The following STIM2 variants were observed in gnomAD, a reference collection of about 807,000 sequenced individuals.
STIM2 encodes the protein stromal interaction molecule 2.
A neutral mutation model predicts 85.8 loss-of-function variants in STIM2; 31 were observed. That is an observed-to-expected ratio of 0.36 (90% CI 0.27 to 0.49). The LOEUF is 0.49. Among genes scored for constraint, STIM2 ranks in the 20% least tolerant of loss-of-function variants. The pLI is 0.98. For missense variants in STIM2, 841 were observed against 927.6 expected (o/e 0.91, Z 1.21); for synonymous variants, 356 against 331.1 (o/e 1.08, Z -0.82).
chr4:26,876,598 T>G (rs891252044), intron 1 of STIM2, among the ~76,000 whole-genome samples: 3 of 152,212 alleles, frequency 2.0e-5, no homozygotes, highest in Admixed American at 2.0e-4. Flanking sequence ...TCTTAGAGGA[T>G]TTATTAAATT....
chr4:26,894,679 TACTC>T (rs1469318300), intron 1 of STIM2, among the ~76,000 whole-genome samples: 8 of 152,218 alleles, frequency 5.3e-5, no homozygotes, highest in South Asian at 4.1e-4. Flanking sequence ...GCTTTGACAA[TACTC>T]ACAGTGTTTT....
At chr4:27,018,657 A>G (rs1299698440) in intron 11 of STIM2, among the ~76,000 whole-genome samples, 4 of 152,350 alleles carry the variant, frequency 2.6e-5, no homozygotes, top group East Asian at 1.9e-4. Context: ...TTTGGGAGCC[A>G]TCTTAGAATT....
chr4:27,022,502 G>C lies in STIM2; in HGVS notation c.1764-17G>C. On this transcript the variant is annotated splice_polypyrimidine_tract_variant and intron_variant, in intron 11 of 11. Coordinates refer to ENST00000467087, the MANE Select transcript of STIM2 (RefSeq NM_020860.4). ...ATACTGATTTAAAATTTGTACCTTT[G>C]TTTGTGTTTCATTCAGGGAAGTGCC... The C allele has an allele frequency of 6.4e-7, 1 of 1,557,964 alleles. No individual in the cohort carries two copies. The highest frequency in any genetic ancestry group is 8.7e-7 in the Non-Finnish European group (1 of 1,146,224).
At chr4:26,922,761 A>G (rs1177174075) in intron 2 of STIM2, among the ~76,000 whole-genome samples, 2 of 152,092 alleles carry the variant, frequency 1.3e-5, no homozygotes, top group East Asian at 1.9e-4. Context: ...AACCAGCTTT[A>G]TCCTGAAACT....
In STIM2 at chr4:26,957,706, A is replaced by G; in HGVS notation, c.377A>G (p.Lys126Arg). The stretch of plus-strand genomic sequence containing the variant: ...CATATAACGATTGAGGATTTATGGA[A>G]ACGATGGAAAACATCAGAAGGTAAG... The change falls in exon 3 of 12, where the codon AAA becomes AGA. Residue 126 changes from lysine to arginine, a missense_variant. By Grantham distance (26) the Lys-to-Arg change is conservative. Coordinates refer to ENST00000467087, the MANE Select transcript of STIM2 (RefSeq NM_020860.4). 6.3e-7 allele frequency: 1 copy of G among 1,598,772 alleles called. No homozygotes were observed. The highest frequency in any genetic ancestry group is 8.5e-7 in the Non-Finnish European group (1 of 1,174,140).
At chr4:26,912,056 G>T (rs1724363820) in intron 1 of STIM2, among the ~76,000 whole-genome samples, 1 of 152,108 alleles carries the variant, frequency 6.6e-6, no homozygotes, top group African/African-American at 2.4e-5. Flanking sequence ...ATTTTCTCGA[G>T]AATTTACTCT....
intron 1 of STIM2, among the ~76,000 whole-genome samples, chr4:26,918,246 T>C (rs941129086): frequency 2.0e-5 from 3 of 151,406 alleles, no homozygotes; most frequent in Non-Finnish European, 4.4e-5. Context: ...TTTTTTTTTT[T>C]AGAAAATAAA....
chr4:26,995,294 A>G (rs973976058), intron 3 of STIM2, 85 bp from the exon 4 acceptor site: 2 of 689,108 alleles, frequency 2.9e-6, no homozygotes, highest in African/African-American at 3.7e-5. Flanking sequence ...GCAATCTAAT[A>G]TCTTTATATT....
intron 1 of STIM2, among the ~76,000 whole-genome samples, chr4:26,890,374 C>A (rs1026634718): frequency 2.6e-5 from 4 of 152,174 alleles, no homozygotes; most frequent in African/African-American, 7.2e-5. Flanking sequence ...ATTCCATTTT[C>A]ATTCAGTGAT....
At chr4:27,005,129 A>G (rs1238295720) in intron 7 of STIM2, among the ~76,000 whole-genome samples, 3 of 152,234 alleles carry the variant, frequency 2.0e-5, no homozygotes, top group Non-Finnish European at 4.4e-5. Context: ...ATAACCCACA[A>G]TTCCACGTAG....
At chr4:26,907,843 A>C (rs1724186894) in intron 1 of STIM2, among the ~76,000 whole-genome samples, 1 of 152,218 alleles carries the variant, frequency 6.6e-6, no homozygotes, top group Non-Finnish European at 1.5e-5. Flanking sequence ...ATCATTGAAC[A>C]TCAAGTCCCT....
At position 26,869,299 on chromosome 4, in the gene STIM2, CAA is replaced by C. The variant is rs71186495; in HGVS notation, c.151+7950_151+7951del. Among the ~76,000 whole-genome samples, 624 of 85,842 alleles carry C rather than the reference CAA, an allele frequency of 7.3e-3. 1 individual carries two copies. Among genetic ancestry groups the C allele is most frequent in the Non-Finnish European group, 0.011 (461 of 42,926 alleles). 56.3% of individuals were successfully genotyped at this position (85,842 alleles called of 152,430 possible). On this transcript the variant is annotated intron_variant, in intron 1 of 11. Transcript: ENST00000467087. ...GGACGGCGGAGTGAGACCCTGTCTC[CAA>C]AAAAAAAAAAAAAAAAAAAGGAAGA...
intron 3 of STIM2, among the ~76,000 whole-genome samples, chr4:26,975,081 G>T (rs1012057380): frequency 1.3e-5 from 2 of 151,832 alleles, no homozygotes; most frequent in Admixed American, 1.3e-4. Context: ...ATAGTTTTCA[G>T]CTCCATCAGG....
intron 3 of STIM2, among the ~76,000 whole-genome samples, chr4:26,979,230 G>T (rs1305675530): frequency 2.6e-5 from 4 of 152,162 alleles, no homozygotes; most frequent in Non-Finnish European, 5.9e-5. Flanking sequence ...TGTTAAAGAT[G>T]AAACATAGGT....
At chr4:27,011,447 T>A (rs559223271) in intron 10 of STIM2, among the ~76,000 whole-genome samples, 2 of 152,346 alleles carry the variant, frequency 1.3e-5, no homozygotes, top group South Asian at 4.1e-4. Context: ...TCTTTACCTG[T>A]ATTTCCTTGT....
chr4:26,901,229 G>A (rs1002844254), intron 1 of STIM2, among the ~76,000 whole-genome samples: 12 of 152,044 alleles, frequency 7.9e-5, no homozygotes, highest in African/African-American at 2.2e-4. Flanking sequence ...TTTTTACTTA[G>A]GTAATTTTCA....
chr4:26,957,835 T>C, intron 3 of STIM2, 109 bp downstream of exon 3: 1 of 646,128 alleles, frequency 1.5e-6, no homozygotes. Flanking sequence ...AAAATAACAT[T>C]TCTGTGAGGA....
At position 27,017,749 on chromosome 4, in the gene STIM2, A is replaced by G. The variant is rs910661162; in HGVS notation, c.1528A>G (p.Ser510Gly). 1 of 1,613,994 alleles carries G rather than the reference A, an allele frequency of 6.2e-7. No homozygotes were observed. Among genetic ancestry groups the G allele is most frequent in the African/African-American group, 1.3e-5 (1 of 74,884 alleles). Residue 510 changes from serine (S) to glycine (G), a missense_variant, in exon 11 of 12, where the codon AGC becomes GGC. Physicochemically the swap from Ser to Gly is moderately conservative, Grantham distance 56 (BLOSUM62 0). Coordinates refer to ENST00000467087, the MANE Select transcript of STIM2 (RefSeq NM_020860.4). ...ACCTCCTGGATCATTAGCCAGAAGCAGCAGCCTGTGCCGTTCACGCCGCAG... is the reference window on the plus strand; with the variant it reads ...ACCTCCTGGATCATTAGCCAGAAGCGGCAGCCTGTGCCGTTCACGCCGCAG...
At chr4:26,950,438 T>G (rs191434831) in intron 2 of STIM2, among the ~76,000 whole-genome samples, 163 of 152,236 alleles carry the variant, frequency 1.1e-3, no homozygotes, top group African/African-American at 3.8e-3. Context: ...TCCCCAAAAT[T>G]TATGTGTTGG....
Sources: allele counts gnomAD v4.1 joint callset (sites outside exome capture counted in the v4.1 genomes callset), GRCh38; gene constraint gnomAD v4.1.1; transcripts MANE v1.5; gene names NCBI Gene and HGNC (gene_info 2026-07-23, HGNC 2026-07-21).